LRRC17: variants seen among roughly 807,000 people sequenced by gnomAD.
The protein encoded by LRRC17 is leucine rich repeat containing 17.
In LRRC17, 33 loss-of-function variants were observed where a neutral mutation model predicts 41.5. The ratio of observed to expected loss-of-function variants is 0.80; its 90% confidence interval spans 0.60 to 1.06. The LOEUF (loss-of-function observed/expected upper bound fraction) is 1.06. Ranked by LOEUF, LRRC17 falls within the 50% of genes least tolerant of loss-of-function variation. LRRC17 has a pLI of 0.00. For synonymous variants in LRRC17, 192 were observed against 197.0 expected (o/e 0.97, Z 0.21); for missense variants, 491 against 519.3 (o/e 0.95, Z 0.53).
intron 3 of LRRC17, among the ~76,000 whole-genome samples, chr7:102,941,747 C>CAAA (rs111478330): frequency 7.6e-6 from 1 of 131,334 alleles, no homozygotes; most frequent in African/African-American, 2.8e-5. Flanking sequence ...AAAGCTGTCT[C>CAAA]AAAAAAAAAA....
At chr7:102,929,398 A>G (rs564697800) in intron 1 of LRRC17, among the ~76,000 whole-genome samples, 1 of 152,296 alleles carries the variant, frequency 6.6e-6, no homozygotes, top group Admixed American at 6.5e-5. Flanking sequence ...GCGGTGTCTC[A>G]CGCCTGTAAT....
chr7:102,930,609 T>C (rs1485996241), intron 1 of LRRC17, among the ~76,000 whole-genome samples: 3 of 152,246 alleles, frequency 2.0e-5, no homozygotes. Flanking sequence ...CTGTTCACTT[T>C]GGTTCTTTCT....
intron 2 of LRRC17, 33 bp from the exon 3 acceptor site, chr7:102,939,397 G>C: frequency 1.3e-6 from 2 of 1,570,298 alleles, no homozygotes; most frequent in Non-Finnish European, 1.7e-6. Context: ...GGCAAAAAGA[G>C]CATAATAACG....
At chr7:102,913,207 T>C in intron 1 of LRRC17, 62 bp downstream of exon 1, 1 of 1,614,162 alleles carries the variant, frequency 6.2e-7, no homozygotes, top group African/African-American at 1.3e-5. Flanking sequence ...CTGTAAGTTG[T>C]GGAAGTGCCT....
intron 1 of LRRC17, among the ~76,000 whole-genome samples, chr7:102,930,315 A>G (rs1210165156): frequency 6.6e-6 from 1 of 151,928 alleles, no homozygotes; most frequent in Non-Finnish European, 1.5e-5. Context: ...ATTCCCTCCT[A>G]TCTCGTTAGG....
chr7:102,944,458 A>T lies in LRRC17; in HGVS notation c.1177A>T (p.Ile393Phe). ...CAAAGGATGGTCTGTGGGAAAATAT[A>T]TTAGAAGTTACTATGAAGAATGCCC... ...EYKGWSVGKYIRSYYEECPKD... is the reference protein window; with the variant it reads ...EYKGWSVGKYFRSYYEECPKD... Residue 393 changes from isoleucine to phenylalanine, a missense_variant, in exon 4 of 4, where the codon ATT (isoleucine) becomes TTT (phenylalanine). By Grantham distance (21) the Ile-to-Phe change is conservative (BLOSUM62 0). Coordinates refer to ENST00000339431, the MANE Select transcript of LRRC17 (RefSeq NM_001031692.3). 1 of 1,614,098 alleles carries T rather than the reference A, an allele frequency of 6.2e-7. No individual in the cohort carries two copies. The highest frequency in any genetic ancestry group is 1.1e-5 in the South Asian group (1 of 91,080).
At chr7:102,941,583 G>A (rs1461456380) in intron 3 of LRRC17, among the ~76,000 whole-genome samples, 1 of 152,110 alleles carries the variant, frequency 6.6e-6, no homozygotes, top group African/African-American at 2.4e-5. Flanking sequence ...TGTCTAGGCA[G>A]CGGGCAAGGT....
chr7:102,918,518 T>TA (rs1816350324), intron 1 of LRRC17, among the ~76,000 whole-genome samples: 1 of 152,230 alleles, frequency 6.6e-6, no homozygotes, highest in Non-Finnish European at 1.5e-5. Context: ...TGTAATGTGA[T>TA]ATAAACTACA....
intron 3 of LRRC17, among the ~76,000 whole-genome samples, chr7:102,940,585 A>G (rs1293383379): frequency 6.6e-6 from 1 of 152,186 alleles, no homozygotes; most frequent in African/African-American, 2.4e-5. Flanking sequence ...TCTTGTTTAG[A>G]ATAAATTAGA....
chr7:102,925,212 G>A (rs982059131), intron 1 of LRRC17, among the ~76,000 whole-genome samples: 1 of 152,008 alleles, frequency 6.6e-6, no homozygotes, highest in Non-Finnish European at 1.5e-5. Flanking sequence ...TGGGCAACAT[G>A]GTGAAACCCC....
chr7:102,934,576 C>G lies in LRRC17; in HGVS notation c.663C>G (p.Asp221Glu), dbSNP rs1187337849. ...ATGAAGAAGAAAAGGAACAATTGGA[C>G]CCGAAACCCCAAGTGTCAGGGAGAC... ...LCNEEEKEQL[D>E]PKPQVSGRPP... Residue 221 changes from aspartate to glutamate, a missense_variant, in exon 2 of 4, where the codon GAC (aspartate) becomes GAG (glutamate). Coordinates refer to ENST00000339431, the MANE Select transcript of LRRC17 (RefSeq NM_001031692.3). The G allele has an allele frequency of 6.2e-7, 1 of 1,613,996 alleles. No homozygotes were observed. The highest frequency in any genetic ancestry group is 1.1e-5 in the South Asian group (1 of 91,060).
chr7:102,934,601 C>A lies in LRRC17; in HGVS notation c.688C>A (p.Pro230Thr), dbSNP rs536003329. The change falls in exon 2 of 4, where the codon CCC becomes ACC. Residue 230 changes from proline (P) to threonine (T), a missense_variant. By Grantham distance (38) the Pro-to-Thr change is conservative. Transcript: ENST00000339431. ...LDPKPQVSGRPPVIKPEVDST... is the reference protein window; with the variant it reads ...LDPKPQVSGRTPVIKPEVDST... Reference sequence around the variant, plus strand: ...CCCGAAACCCCAAGTGTCAGGGAGACCCCCAGTCATCAAGCCTGAGGTGGA... The same window carrying A: ...CCCGAAACCCCAAGTGTCAGGGAGAACCCCAGTCATCAAGCCTGAGGTGGA... The A allele has an allele frequency of 6.2e-6, 10 of 1,613,764 alleles. No homozygotes were observed. The highest frequency in any genetic ancestry group is 1.1e-5 in the South Asian group (1 of 91,044).
intron 1 of LRRC17, among the ~76,000 whole-genome samples, chr7:102,919,150 C>T (rs1326732976): frequency 6.6e-6 from 1 of 152,192 alleles, no homozygotes; most frequent in Non-Finnish European, 1.5e-5. Context: ...AAATCGGCCA[C>T]AGTGGAATTA....
At position 102,939,479 on chromosome 7, in the gene LRRC17, C is replaced by T. The variant is rs139645764; in HGVS notation, c.822C>T (p.Asp274=). Residue 274 remains aspartate (D), a synonymous_variant, in exon 3 of 4, where the codon GAC becomes GAT. Coordinates refer to ENST00000339431, the MANE Select transcript of LRRC17 (RefSeq NM_001031692.3). ...TCCCTCCAGATATTGTTAAACTTGA[C>T]TTGTCATACAATAAAATCAACCAAC... ...NNIPPDIVKL[D]LSYNKINQLR... 2,164 of 1,613,606 alleles carry T rather than the reference C, an allele frequency of 1.3e-3. 4 individuals are homozygous for T. Among genetic ancestry groups the T allele is most frequent in the Non-Finnish European group, 1.5e-3 (1,715 of 1,179,844 alleles).
intron 2 of LRRC17, among the ~76,000 whole-genome samples, chr7:102,938,792 C>T (rs1472964795): frequency 1.3e-5 from 2 of 152,220 alleles, no homozygotes; most frequent in East Asian, 3.8e-4. Context: ...TTTATCAACA[C>T]AGCAAATGAG....
intron 1 of LRRC17, among the ~76,000 whole-genome samples, chr7:102,922,185 G>C (rs954595715): frequency 6.8e-6 from 1 of 146,606 alleles, no homozygotes; most frequent in Non-Finnish European, 1.5e-5. Flanking sequence ...GGAAGACTCT[G>C]TCTCAAAAAA....
At chr7:102,939,399 A>G in intron 2 of LRRC17, 31 bp from the exon 3 acceptor site, 1 of 1,578,308 alleles carries the variant, frequency 6.3e-7, no homozygotes, top group Non-Finnish European at 8.6e-7. Flanking sequence ...CAAAAAGAGC[A>G]TAATAACGTA....
Position 102,944,693 on chromosome 7 carries a change from G to T in LRRC17, c.*86G>T. ...ATGTTTACATTTGATTAACTGTGTT[G>T]CCTATTTATGCAGGGTAATCCAGCT... is the stretch of plus-strand genomic sequence containing the variant. On this transcript the variant is annotated 3_prime_UTR_variant, in exon 4 of 4. Coordinates refer to ENST00000339431, the MANE Select transcript of LRRC17 (RefSeq NM_001031692.3). The T allele has an allele frequency of 8.3e-7, 1 of 1,204,398 alleles. No homozygotes were observed. The highest frequency in any genetic ancestry group is 1.5e-5 in the South Asian group (1 of 64,762). The allele number at this position is 1,204,398 out of a possible 1,614,324, so 74.6% of individuals were successfully genotyped here. A position where few individuals can be genotyped will look rare whatever the true frequency, so the allele number is the denominator to read the frequency against.
Position 102,933,762 on chromosome 7 carries a change from T to C in LRRC17, c.-140-12T>C, listed in dbSNP as rs1819680376. 2 of 689,086 alleles carry C rather than the reference T, an allele frequency of 2.9e-6. No homozygotes were observed. Among genetic ancestry groups the C allele is most frequent in the African/African-American group, 1.8e-5 (1 of 55,578 alleles). The allele number at this position is 689,086 out of a possible 1,614,324, so 42.7% of individuals were successfully genotyped here. On this transcript the variant is annotated splice_polypyrimidine_tract_variant and intron_variant, in intron 1 of 3. Coordinates refer to ENST00000339431, the MANE Select transcript of LRRC17 (RefSeq NM_001031692.3). ...GGCCTTAATTTTTAATATATATTTT[T>C]TTCTCTTCCAGCCTAGGGACTCCAC...
Sources: gnomAD v4.1 joint callset for allele counts (sites outside exome capture counted in the v4.1 genomes callset) on GRCh38, gnomAD v4.1.1 for gene constraint, MANE v1.5 for transcripts, NCBI Gene and HGNC (gene_info 2026-07-23, HGNC 2026-07-21) for gene names.